The following ATP13A3 variants were observed in gnomAD, a reference collection of about 807,000 sequenced individuals.
ATP13A3 encodes the protein ATPase 13A3.
Under a neutral mutation model 158.1 loss-of-function variants are expected in ATP13A3, and 59 were observed. The observed-to-expected ratio is 0.37, with a 90% confidence interval of 0.30 to 0.46. The LOEUF is 0.46. ATP13A3 is among the 20% of genes least tolerant of loss of function. The probability of loss-of-function intolerance (pLI) is 1.00; values close to 1 mark genes in which losing one functional copy is unlikely to be tolerated. For missense variants in ATP13A3, 1,166 were observed against 1,525.2 expected (o/e 0.76, Z 3.92); for synonymous variants, 491 against 504.3 (o/e 0.97, Z 0.35).
At chr3:194,450,520 CGA>C in intron 10 of ATP13A3, 1 of 436,032 alleles carries the variant, frequency 2.3e-6, no homozygotes, top group Non-Finnish European at 4.3e-6. Context: ...TACCCTCTGA[CGA>C]AGCAGGTTAA....
At chr3:194,444,628 G>T in intron 15 of ATP13A3, 97 bp downstream of exon 15, 2 of 1,034,056 alleles carry the variant, frequency 1.9e-6, no homozygotes, top group Non-Finnish European at 2.8e-6. Context: ...CCTGGTATAG[G>T]TACACAGTTG....
intron 20 of ATP13A3, among the ~76,000 whole-genome samples, chr3:194,434,294 A>G (rs1259312566): frequency 1.3e-5 from 2 of 152,260 alleles, no homozygotes; most frequent in Non-Finnish European, 2.9e-5. Context: ...CAAGTCTCAG[A>G]TCAATTCTAT....
chr3:194,486,288 C>G (rs1407494132), intron 1 of ATP13A3, among the ~76,000 whole-genome samples: 1 of 152,158 alleles, frequency 6.6e-6, no homozygotes, highest in Non-Finnish European at 1.5e-5. Context: ...ACCTCCACCT[C>G]CCACAGGACT....
intron 31 of ATP13A3, among the ~76,000 whole-genome samples, chr3:194,417,564 C>T (rs1715953572): frequency 6.6e-6 from 1 of 152,028 alleles, no homozygotes; most frequent in South Asian, 2.1e-4. Flanking sequence ...GTCATGGTAG[C>T]ATGGACAATA....
chr3:194,417,146 AAAGTT>A (rs1715909233), intron 31 of ATP13A3, among the ~76,000 whole-genome samples: 1 of 152,110 alleles, frequency 6.6e-6, no homozygotes, highest in African/African-American at 2.4e-5. Flanking sequence ...ACTAAACTTA[AAAGTT>A]AAGAAGAAAA....
At chr3:194,482,782 TG>T (rs908289555) in intron 2 of ATP13A3, among the ~76,000 whole-genome samples, 2 of 151,904 alleles carry the variant, frequency 1.3e-5, no homozygotes, top group African/African-American at 4.8e-5. Flanking sequence ...GAGACAAGCC[TG>T]GGCAACAAAC....
chr3:194,486,442 G>A (rs1220759411), intron 1 of ATP13A3, 124 bp downstream of exon 1: 1 of 152,158 alleles, frequency 6.6e-6, no homozygotes, highest in Admixed American at 6.6e-5. Context: ...CCGTCCCCGC[G>A]ATGCCCAACT....
At chr3:194,433,369 G>A (rs973729594) in intron 21 of ATP13A3, among the ~76,000 whole-genome samples, 8 of 149,908 alleles carry the variant, frequency 5.3e-5, no homozygotes, top group African/African-American at 9.8e-5. Context: ...TCAGCCTCCC[G>A]AGTAGCTGGG....
intron 6 of ATP13A3, among the ~76,000 whole-genome samples, chr3:194,457,993 C>A (rs1463096473): frequency 6.6e-6 from 1 of 152,008 alleles, no homozygotes; most frequent in Non-Finnish European, 1.5e-5. Flanking sequence ...ACCACGTTGG[C>A]CAGAATGGTC....
intron 2 of ATP13A3, among the ~76,000 whole-genome samples, chr3:194,475,115 AAAG>A (rs1257337340): frequency 6.6e-6 from 1 of 152,210 alleles, no homozygotes; most frequent in Admixed American, 6.5e-5. Context: ...GAGAAGAAAA[AAAG>A]AAGAGTGGAA....
intron 6 of ATP13A3, 57 bp from the exon 7 acceptor site, chr3:194,457,231 A>C: frequency 7.3e-7 from 1 of 1,365,230 alleles, no homozygotes; most frequent in Non-Finnish European, 1.0e-6. Flanking sequence ...AAATTTCTTA[A>C]CGCCTCATTT....
In ATP13A3 at chr3:194,454,122, A is replaced by G; in HGVS notation, c.765+136T>C. On this transcript the variant is annotated intron_variant, in intron 9 of 33. Coordinates refer to ENST00000645319, the MANE Select transcript of ATP13A3 (RefSeq NM_001367549.1). ...CAAAACAAACAAAAAGGGAGGGGAG[A>G]AGGAGCATATATTCATGCAACTAAA... 1.4e-5 allele frequency: 13 copies of G among 920,120 alleles called. No individual in the cohort carries two copies. The South Asian group carries it at 2.3e-4, about 16-fold the overall frequency. 57.0% of individuals were successfully genotyped at this position (920,120 alleles called of 1,614,324 possible).
At chr3:194,445,077 A>G (rs1360073392) in intron 14 of ATP13A3, among the ~76,000 whole-genome samples, 1 of 152,132 alleles carries the variant, frequency 6.6e-6, no homozygotes, top group Non-Finnish European at 1.5e-5. Context: ...AAATCAATGG[A>G]AGGATGCACC....
intron 11 of ATP13A3, 96 bp downstream of exon 11, chr3:194,450,049 T>C: frequency 1.5e-6 from 2 of 1,301,246 alleles, no homozygotes; most frequent in Non-Finnish European, 2.1e-6. Context: ...TGAGTAAAGG[T>C]ACAAATGACA....
chr3:194,441,476 C>T lies in ATP13A3; in HGVS notation c.1560-15G>A. ...GTGAAAGAAATCTAAGCAGAAGACA[C>T]ACTGAATTAGTTTCATAAATTCTAA... On this transcript the variant is annotated splice_polypyrimidine_tract_variant and intron_variant, in intron 15 of 33. Coordinates refer to ENST00000645319, the MANE Select transcript of ATP13A3 (RefSeq NM_001367549.1). 1 of 1,605,700 alleles carries T rather than the reference C, an allele frequency of 6.2e-7. No individual in the cohort carries two copies. The highest frequency in any genetic ancestry group is 8.5e-7 in the Non-Finnish European group (1 of 1,173,578).
chr3:194,458,434 G>T (rs1437915647), intron 6 of ATP13A3, among the ~76,000 whole-genome samples: 1 of 152,134 alleles, frequency 6.6e-6, no homozygotes, highest in Non-Finnish European at 1.5e-5. Context: ...TTTGGCCCAG[G>T]CTGGAACGGA....
chr3:194,450,040 G>GAGT, intron 11 of ATP13A3, 105 bp downstream of exon 11: 1 of 1,179,326 alleles, frequency 8.5e-7, no homozygotes, highest in South Asian at 1.5e-5. Flanking sequence ...ACATATTCAT[G>GAGT]AGTAAAGGTA....
At chr3:194,453,810 C>G in intron 9 of ATP13A3, 32 bp from the exon 10 acceptor site, 1 of 1,549,950 alleles carries the variant, frequency 6.5e-7, no homozygotes, top group African/African-American at 1.4e-5. Flanking sequence ...AGAAACTAGC[C>G]AATATGAACC....
intron 10 of ATP13A3, 184 bp from the exon 11 acceptor site, chr3:194,450,460 A>G: frequency 1.8e-6 from 1 of 570,972 alleles, no homozygotes; most frequent in South Asian, 2.0e-5. Context: ...ACGGTGTGTC[A>G]GCTAGTTAGT....
Sources: allele counts gnomAD v4.1 joint callset (sites outside exome capture counted in the v4.1 genomes callset), GRCh38; gene constraint gnomAD v4.1.1; transcripts MANE v1.5; gene names NCBI Gene and HGNC (gene_info 2026-07-23, HGNC 2026-07-21).